The following TLN2 variants were observed in gnomAD, a reference collection of about 807,000 sequenced individuals.
The protein encoded by TLN2 is talin 2.
In TLN2, 118 loss-of-function variants were observed where a neutral mutation model predicts 294.7. That is an observed-to-expected ratio of 0.40 (90% CI 0.34 to 0.47). The LOEUF is 0.47. Ranked by LOEUF, TLN2 falls within the 20% of genes least tolerant of loss-of-function variation. The pLI is 0.84. For missense variants in TLN2, 3,083 were observed against 3,282.2 expected (o/e 0.94, Z 1.48); for synonymous variants, 1,431 against 1,304.5 (o/e 1.10, Z -2.09).
chr15:62,448,924 A>G (rs2035962262), intron 1 of TLN2, among the ~76,000 whole-genome samples: 1 of 152,128 alleles, frequency 6.6e-6, no homozygotes, highest in South Asian at 2.1e-4. Context: ...TTCCTCAGAG[A>G]GAGGGCATTA....
At chr15:62,583,541 G>C (rs1350679402) in intron 1 of TLN2, among the ~76,000 whole-genome samples, 2 of 151,224 alleles carry the variant, frequency 1.3e-5, no homozygotes, top group African/African-American at 4.9e-5. Flanking sequence ...AGACTATGCT[G>C]AGAAAAAAAT....
chr15:62,584,461 T>C (rs986995900), intron 1 of TLN2, among the ~76,000 whole-genome samples: 3 of 152,242 alleles, frequency 2.0e-5, no homozygotes, highest in African/African-American at 7.2e-5. Context: ...TATTGTCATC[T>C]CTGAGGTCCT....
At chr15:62,773,240 A>G (rs1324397056) in intron 42 of TLN2, among the ~76,000 whole-genome samples, 1 of 114,756 alleles carries the variant, frequency 8.7e-6, no homozygotes. Context: ...TGCAAGCCAC[A>G]ACACCCAGCT....
chr15:62,390,931 G>A (rs1291557427), intron 1 of TLN2, among the ~76,000 whole-genome samples: 2 of 152,362 alleles, frequency 1.3e-5, no homozygotes, highest in African/African-American at 4.8e-5. Flanking sequence ...TATTGCACAT[G>A]TATGTTTCAC....
intron 1 of TLN2, among the ~76,000 whole-genome samples, chr15:62,492,509 T>C (rs996544877): frequency 7.5e-4 from 103 of 136,492 alleles, no homozygotes; most frequent in African/African-American, 2.7e-3. Flanking sequence ...TGAGCCGAGA[T>C]GGCGCCCCTG....
rs114759981 is a variant in TLN2 at position 62,702,291 on chromosome 15, C to T, written c.1905+91C>T. 3.3e-4 allele frequency: 453 copies of T among 1,373,954 alleles called. No individual in the cohort carries two copies. In the African/African-American group the frequency reaches 5.9e-3, roughly 18 times the overall value. 85.1% of individuals were successfully genotyped at this position (1,373,954 alleles called of 1,614,324 possible). A position where few individuals can be genotyped will look rare whatever the true frequency, so the allele number is the denominator to read the frequency against. Reference sequence around the variant, plus strand: ...GGGGCTCTTGCTTCCCGAGCTGTTCCTTGCGTCTTGATGGGGTGTGTTTCT... The same window carrying T: ...GGGGCTCTTGCTTCCCGAGCTGTTCTTTGCGTCTTGATGGGGTGTGTTTCT... On this transcript the variant is annotated intron_variant, in intron 18 of 58. Coordinates refer to ENST00000636159, the MANE Select transcript of TLN2 (RefSeq NM_015059.3).
chr15:62,576,400 A>G (rs2044401913), intron 1 of TLN2, among the ~76,000 whole-genome samples: 1 of 152,168 alleles, frequency 6.6e-6, no homozygotes, highest in Admixed American at 6.5e-5. Context: ...CTTTGAGGGG[A>G]TAGCAGTGGA....
chr15:62,439,321 G>GT lies in TLN2; in HGVS notation c.-238+48645dup, dbSNP rs370940323. 2.7e-3 allele frequency among the ~76,000 whole-genome samples: 403 copies of GT among 151,042 alleles called. 2 individuals carry two copies. Among genetic ancestry groups the GT allele is most frequent in the African/African-American group, 8.1e-3 (333 of 41,224 alleles). ...AACATTTGACCTATCTGAGCCAGTT[G>GT]TTTTTTTTTGAGATGGAGTCTTGCT... is the stretch of plus-strand genomic sequence containing the variant. On this transcript the variant is annotated intron_variant, in intron 1 of 58. Transcript: ENST00000636159.
chr15:62,422,690 G>C (rs2034483486), intron 1 of TLN2, among the ~76,000 whole-genome samples: 1 of 152,094 alleles, frequency 6.6e-6, no homozygotes, highest in Non-Finnish European at 1.5e-5. Context: ...CCTTCCACAG[G>C]AAGGCTCCAG....
intron 1 of TLN2, among the ~76,000 whole-genome samples, chr15:62,564,286 A>G (rs927792088): frequency 6.6e-6 from 1 of 152,130 alleles, no homozygotes; most frequent in Admixed American, 6.5e-5. Flanking sequence ...AGAGTCCTGG[A>G]GACTTCATAA....
At chr15:62,776,968 G>T in intron 43 of TLN2, 58 bp downstream of exon 43, 2 of 1,359,222 alleles carry the variant, frequency 1.5e-6, no homozygotes, top group Non-Finnish European at 1.9e-6. Flanking sequence ...TGGGCCTCGC[G>T]TGCTTTTCTC....
At chr15:62,840,455 C>A in intron 58 of TLN2, 27 bp from the exon 59 acceptor site, 1 of 1,613,374 alleles carries the variant, frequency 6.2e-7, no homozygotes, top group South Asian at 1.1e-5. Flanking sequence ...AGTGTTAGGT[C>A]CATCCAGCTT....
intron 11 of TLN2, chr15:62,682,794 C>T (rs2056950983): frequency 6.6e-6 from 1 of 152,038 alleles, no homozygotes; most frequent in African/African-American, 2.4e-5. Context: ...TGTTTTATTC[C>T]AGAAAATCAC....
At position 62,487,515 on chromosome 15, in the gene TLN2, C is replaced by G. The variant is rs139274789; in HGVS notation, c.-238+96830C>G. On this transcript the variant is annotated intron_variant, in intron 1 of 58. Coordinates refer to ENST00000636159, the MANE Select transcript of TLN2 (RefSeq NM_015059.3). ...CATTTGACCTTGCTGACCCGCAGAC[C>G]TATTGTTCCCACTTGTCATTATAGA... is the stretch of plus-strand genomic sequence containing the variant. Among the ~76,000 whole-genome samples the G allele has an allele frequency of 7.4e-3, 1,126 of 152,212 alleles. 11 individuals are homozygous for G. The highest frequency in any genetic ancestry group is 0.026 in the African/African-American group (1,070 of 41,528).
At position 62,510,152 on chromosome 15, in the gene TLN2, A is replaced by C. The variant is rs903983465; in HGVS notation, c.-237-79535A>C. 3.9e-5 allele frequency among the ~76,000 whole-genome samples: 6 copies of C among 152,210 alleles called. No homozygotes were observed. In the South Asian group the frequency reaches 1.2e-3, roughly 32 times the overall value. On this transcript the variant is annotated intron_variant, in intron 1 of 58. Transcript: ENST00000636159. ...ACGGGGGCTGGTAAGATGTGGTCCC[A>C]GTACCCCAAATGGCTCGTGTTCAGC... is the stretch of plus-strand genomic sequence containing the variant.
chr15:62,405,536 A>T (rs149867134), intron 1 of TLN2, among the ~76,000 whole-genome samples: 1 of 152,092 alleles, frequency 6.6e-6, no homozygotes, highest in Non-Finnish European at 1.5e-5. Context: ...CTTTGGGGTA[A>T]TTTAATTTTC....
intron 1 of TLN2, among the ~76,000 whole-genome samples, chr15:62,514,115 T>TA (rs1391841121): frequency 2.6e-5 from 4 of 152,228 alleles, no homozygotes; most frequent in African/African-American, 9.7e-5. Context: ...CTAGCTGCTT[T>TA]ACTTTGGTCA....
At chr15:62,664,615 T>C (rs1216326725) in intron 9 of TLN2, among the ~76,000 whole-genome samples, 1 of 151,796 alleles carries the variant, frequency 6.6e-6, no homozygotes, top group Non-Finnish European at 1.5e-5. Context: ...TCCCAGCACT[T>C]TGGGAGGCCG....
intron 2 of TLN2, among the ~76,000 whole-genome samples, chr15:62,601,020 A>C (rs2046957202): frequency 6.6e-6 from 1 of 152,174 alleles, no homozygotes; most frequent in South Asian, 2.1e-4. Flanking sequence ...GCAGTTAGTT[A>C]ATATGTCTCT....
Sources: gnomAD v4.1 joint callset for allele counts (sites outside exome capture counted in the v4.1 genomes callset) on GRCh38, gnomAD v4.1.1 for gene constraint, MANE v1.5 for transcripts, NCBI Gene and HGNC (gene_info 2026-07-23, HGNC 2026-07-21) for gene names.